The following CCDC30 variants were observed in gnomAD, a reference collection of about 807,000 sequenced individuals.
CCDC30 encodes the protein coiled-coil domain-containing protein 30.
CCDC30 carries 70 observed loss-of-function variants against 100.2 expected under a neutral mutation model. That is an observed-to-expected ratio of 0.70 (90% CI 0.58 to 0.85). The LOEUF is 0.85. Among genes scored for constraint, CCDC30 ranks in the 40% least tolerant of loss-of-function variants. The probability of loss-of-function intolerance (pLI) is 0.00; values close to 1 mark genes in which losing one functional copy is unlikely to be tolerated. For synonymous variants in CCDC30, 233 were observed against 269.5 expected (o/e 0.86, Z 1.33); for missense variants, 652 against 771.2 (o/e 0.85, Z 1.83).
At chr1:42,577,667 G>C (rs1017751740) in intron 8 of CCDC30, among the ~76,000 whole-genome samples, 29 of 151,936 alleles carry the variant, frequency 1.9e-4, no homozygotes, top group African/African-American at 6.5e-4. Context: ...TTGAGAGGGA[G>C]TCTCGCTCTG....
chr1:42,621,910 G>T (rs1481784482), intron 11 of CCDC30, among the ~76,000 whole-genome samples: 2 of 152,142 alleles, frequency 1.3e-5, no homozygotes, highest in East Asian at 3.8e-4. Flanking sequence ...GCCTCCCAAA[G>T]TGCTGGGATT....
At chr1:42,531,190 CCT>C (rs1644800233) in intron 6 of CCDC30, among the ~76,000 whole-genome samples, 1 of 151,910 alleles carries the variant, frequency 6.6e-6, no homozygotes, top group Non-Finnish European at 1.5e-5. Context: ...AGCACCTCAC[CCT>C]CTCTCTCTTC....
intron 14 of CCDC30, among the ~76,000 whole-genome samples, chr1:42,645,556 A>G (rs1230155761): frequency 1.3e-5 from 2 of 152,168 alleles, no homozygotes; most frequent in East Asian, 3.9e-4. Context: ...ATCACCTACT[A>G]GATGTTTCTT....
chr1:42,590,825 G>A (rs1292409122), intron 10 of CCDC30: 1 of 152,072 alleles, frequency 6.6e-6, no homozygotes, highest in Admixed American at 6.6e-5. Context: ...GGACAGTGAA[G>A]GCCAGCCTAG....
At chr1:42,540,478 C>T (rs1644990238) in intron 6 of CCDC30, among the ~76,000 whole-genome samples, 1 of 151,998 alleles carries the variant, frequency 6.6e-6, no homozygotes, top group Admixed American at 6.6e-5. Flanking sequence ...TAAAGAGATC[C>T]AGATCTGCTC....
Position 42,589,495 on chromosome 1 carries a change from A to C in CCDC30, c.1164+12A>C. 6.2e-7 allele frequency: 1 copy of C among 1,607,146 alleles called. No homozygotes were observed. The highest frequency in any genetic ancestry group is 1.1e-5 in the South Asian group (1 of 90,672). ...GAAAATATGATGAGGTAAGAAAGTA[A>C]ATAGACATGCTTCTCAGTTTTCCTA... On this transcript the variant is annotated intron_variant, in intron 10 of 16. Transcript: ENST00000668663.
At chr1:42,489,252 T>C (rs1375389425) in intron 3 of CCDC30, among the ~76,000 whole-genome samples, 1 of 152,258 alleles carries the variant, frequency 6.6e-6, no homozygotes, top group African/African-American at 2.4e-5. Context: ...TTGCTTAACT[T>C]TTCTGAGTCT....
At chr1:42,483,210 C>A (rs1397083184) in intron 3 of CCDC30, among the ~76,000 whole-genome samples, 1 of 152,160 alleles carries the variant, frequency 6.6e-6, no homozygotes, top group African/African-American at 2.4e-5. Context: ...AAGATTCATT[C>A]ATTTTGTTAC....
At chr1:42,578,756 G>A (rs1389545184) in intron 8 of CCDC30, among the ~76,000 whole-genome samples, 1 of 152,028 alleles carries the variant, frequency 6.6e-6, no homozygotes, top group African/African-American at 2.4e-5. Context: ...TCAGGAAACA[G>A]GAATATAGTC....
upstream of CCDC30, chr1:42,459,889 A>T: frequency 6.2e-7 from 1 of 1,613,214 alleles, no homozygotes; most frequent in Non-Finnish European, 8.5e-7. Context: ...GATAATCTTC[A>T]GTCTCGACAC....
chr1:42,649,664 A>G (rs1307594993), intron 15 of CCDC30, among the ~76,000 whole-genome samples: 2 of 152,194 alleles, frequency 1.3e-5, no homozygotes, highest in Non-Finnish European at 2.9e-5. Flanking sequence ...AATTGTGTCT[A>G]CTTGTTGACA....
chr1:42,528,382 G>C (rs1434970452), intron 6 of CCDC30, among the ~76,000 whole-genome samples: 1 of 152,192 alleles, frequency 6.6e-6, no homozygotes, highest in Non-Finnish European at 1.5e-5. Context: ...TGTGAAGGAG[G>C]CTTGATATGG....
At chr1:42,540,091 G>C (rs1213572406) in intron 6 of CCDC30, among the ~76,000 whole-genome samples, 1 of 152,180 alleles carries the variant, frequency 6.6e-6, no homozygotes, top group African/African-American at 2.4e-5. Flanking sequence ...CTAGACTAAA[G>C]ATTAAGGAGC....
At chr1:42,616,068 A>G (rs1646722275) in intron 11 of CCDC30, among the ~76,000 whole-genome samples, 2 of 152,034 alleles carry the variant, frequency 1.3e-5, no homozygotes, top group Admixed American at 1.3e-4. Flanking sequence ...GGTGCATGCC[A>G]CCACACCCAG....
chr1:42,456,560 C>A, the CCDC30 span: 1 of 1,468,382 alleles, frequency 6.8e-7, no homozygotes, highest in Non-Finnish European at 9.0e-7. Flanking sequence ...GGCCGCTGCG[C>A]TGCAGATGGC....
At chr1:42,491,231 G>C (rs1644135831) in intron 4 of CCDC30, among the ~76,000 whole-genome samples, 1 of 152,102 alleles carries the variant, frequency 6.6e-6, no homozygotes, top group Non-Finnish European at 1.5e-5. Flanking sequence ...TGACCTAATT[G>C]ATATTTATAG....
At chr1:42,522,030 C>T (rs1644655998) in intron 6 of CCDC30, among the ~76,000 whole-genome samples, 2 of 151,864 alleles carry the variant, frequency 1.3e-5, no homozygotes, top group Non-Finnish European at 2.9e-5. Flanking sequence ...TTTTCAAGGC[C>T]TTTATATAAA....
intron 6 of CCDC30, chr1:42,535,089 A>C (rs1314895475): frequency 6.6e-6 from 1 of 152,202 alleles, no homozygotes; most frequent in Non-Finnish European, 1.5e-5. Context: ...AAAAGGAGAA[A>C]GCACACTTCT....
At chr1:42,587,080 C>T (rs1183774688) in intron 9 of CCDC30, among the ~76,000 whole-genome samples, 3 of 152,300 alleles carry the variant, frequency 2.0e-5, no homozygotes, top group African/African-American at 7.2e-5. Context: ...TCACTGCAGC[C>T]TTGACCTCCC....
Sources: gnomAD v4.1 joint callset for allele counts (sites outside exome capture counted in the v4.1 genomes callset) on GRCh38, gnomAD v4.1.1 for gene constraint, MANE v1.5 for transcripts, NCBI Gene and HGNC (gene_info 2026-07-23, HGNC 2026-07-21) for gene names.